Variants in LIPC observed in about 807,000 individuals in gnomAD.
LIPC encodes the protein lipase C, hepatic type.
A neutral mutation model predicts 50.7 loss-of-function variants in LIPC; 44 were observed. The ratio of observed to expected loss-of-function variants is 0.87; its 90% CI spans 0.68 to 1.11. The LOEUF (loss-of-function observed/expected upper bound fraction) is 1.11, where lower values mean the gene tolerates loss of function less well. Ranked by LOEUF, LIPC falls within the 50% of genes most tolerant of loss-of-function variation. LIPC has a pLI of 0.00. For missense variants in LIPC, 697 were observed against 648.2 expected (o/e 1.08, Z -0.82); for synonymous variants, 271 against 256.4 (o/e 1.06, Z -0.54).
intron 1 of LIPC, among the ~76,000 whole-genome samples, chr15:58,523,956 G>T (rs1183243078): frequency 6.6e-6 from 1 of 152,056 alleles, no homozygotes; most frequent in East Asian, 1.9e-4. Flanking sequence ...TAAAAGAAAA[G>T]AAATTCTTTT....
chr15:58,498,392 C>T (rs1244358489), intron 1 of LIPC, among the ~76,000 whole-genome samples: 1 of 152,040 alleles, frequency 6.6e-6, no homozygotes, highest in Admixed American at 6.6e-5. Context: ...ACTTTGAGCC[C>T]CTGCGTTATC....
At chr15:58,565,989 A>G (rs900385367) in intron 8 of LIPC, 1 of 985,100 alleles carries the variant, frequency 1.0e-6, no homozygotes, top group African/African-American at 1.8e-5. Flanking sequence ...AAATAAGATG[A>G]ATTAATTTTA....
intron 1 of LIPC, chr15:58,436,769 T>G (rs1430072583): frequency 2.2e-6 from 1 of 456,156 alleles, no homozygotes; most frequent in Admixed American, 2.4e-5. Context: ...AGAAGGCTTC[T>G]TGGAGGAGGC....
chr15:58,496,556 CCAACA>C (rs1382089372), intron 1 of LIPC, among the ~76,000 whole-genome samples: 72 of 152,128 alleles, frequency 4.7e-4, no homozygotes, highest in Non-Finnish European at 1.9e-4. Context: ...CAAAGAAAGT[CCAACA>C]CTATAAATCA....
intron 1 of LIPC, among the ~76,000 whole-genome samples, chr15:58,496,160 A>G (rs1891756769): frequency 6.6e-6 from 1 of 152,084 alleles, no homozygotes; most frequent in Non-Finnish European, 1.5e-5. Context: ...CCCATGGGAC[A>G]TTTGGCAATA....
chr15:58,528,140 C>CAAAA (rs11443674), intron 1 of LIPC, among the ~76,000 whole-genome samples: 2 of 137,842 alleles, frequency 1.5e-5, no homozygotes, highest in Middle Eastern at 3.8e-3. Context: ...AACTCTGTCT[C>CAAAA]AAAAAAAAAA....
At chr15:58,563,842 G>A in intron 8 of LIPC, 119 bp downstream of exon 8, 1 of 850,698 alleles carries the variant, frequency 1.2e-6, no homozygotes, top group Non-Finnish European at 1.9e-6. Context: ...CCTAGTGATG[G>A]AGTACAGAAG....
At chr15:58,539,470 A>G (rs561952465) in intron 2 of LIPC, among the ~76,000 whole-genome samples, 28 of 152,296 alleles carry the variant, frequency 1.8e-4, no homozygotes, top group Admixed American at 5.9e-4. Context: ...CAATAGATGA[A>G]GTCAAACCAT....
chr15:58,450,306 C>G (rs1226754620), intron 1 of LIPC, among the ~76,000 whole-genome samples: 1 of 152,182 alleles, frequency 6.6e-6, no homozygotes, highest in African/African-American at 2.4e-5. Flanking sequence ...CACTCTAGAG[C>G]TCCTGATTCA....
At chr15:58,509,873 C>T (rs1304255957) in intron 1 of LIPC, among the ~76,000 whole-genome samples, 2 of 151,610 alleles carry the variant, frequency 1.3e-5, no homozygotes, top group Non-Finnish European at 2.9e-5. Context: ...ATTTACCAGT[C>T]AAAATTTTAG....
At position 58,460,958 on chromosome 15, in the gene LIPC, A is replaced by G. The variant is rs867766774; in HGVS notation, c.88+28838A>G. Among the ~76,000 whole-genome samples the G allele has an allele frequency of 2.6e-5, 4 of 152,318 alleles. No individual in the cohort carries two copies. The South Asian group carries it at 8.3e-4, about 32-fold the overall frequency. On this transcript the variant is annotated intron_variant, in intron 1 of 8. Transcript: ENST00000299022. Reference sequence around the variant, plus strand: ...TTTTGACCAAGGGACTGACCCGAACATGGCATGTAAGAGGGGTTTGTTTGG... The same window carrying G: ...TTTTGACCAAGGGACTGACCCGAACGTGGCATGTAAGAGGGGTTTGTTTGG...
chr15:58,463,324 C>T (rs938789216), intron 1 of LIPC, among the ~76,000 whole-genome samples: 4 of 152,212 alleles, frequency 2.6e-5, no homozygotes, highest in Non-Finnish European at 4.4e-5. Flanking sequence ...CTTCAGTGAG[C>T]TCTGGGGCCT....
intron 1 of LIPC, among the ~76,000 whole-genome samples, chr15:58,470,597 CTTTTT>C (rs5812936): frequency 2.2e-5 from 3 of 136,300 alleles, no homozygotes; most frequent in Non-Finnish European, 3.2e-5. Flanking sequence ...CATTTAACTC[CTTTTT>C]TTTTTTTTTT....
intron 1 of LIPC, among the ~76,000 whole-genome samples, chr15:58,457,388 G>T (rs1212774096): frequency 6.6e-6 from 1 of 152,196 alleles, no homozygotes; most frequent in African/African-American, 2.4e-5. Flanking sequence ...GGGATTACAG[G>T]CGTGAGCCAC....
In LIPC at chr15:58,543,296, C is replaced by T. The variant is rs73412750; in HGVS notation, c.574+645C>T. Among the ~76,000 whole-genome samples, 893 of 152,174 alleles carry T rather than the reference C, an allele frequency of 5.9e-3. 7 individuals are homozygous for T. The highest frequency in any genetic ancestry group is 0.014 in the African/African-American group (569 of 41,490). ...GGTGAGATTGTTCCCCAGTCCAAGT[C>T]TGAGGCCCACTGATACCACAGGTAT... On this transcript the variant is annotated intron_variant, in intron 4 of 8. Coordinates refer to ENST00000299022, the MANE Select transcript of LIPC (RefSeq NM_000236.3).
intron 8 of LIPC, 29 bp downstream of exon 8, chr15:58,563,752 G>T (rs776691460): frequency 6.3e-7 from 1 of 1,577,724 alleles, no homozygotes; most frequent in Admixed American, 1.7e-5. Flanking sequence ...TCCTATTAAC[G>T]TCCATTAAGC....
intron 1 of LIPC, among the ~76,000 whole-genome samples, chr15:58,465,807 T>A (rs1269616331): frequency 1.3e-5 from 2 of 152,148 alleles, no homozygotes; most frequent in African/African-American, 4.8e-5. Flanking sequence ...AGCTCTCTAA[T>A]CTTCTGTCTT....
intron 1 of LIPC, among the ~76,000 whole-genome samples, chr15:58,461,226 C>G (rs1894338069): frequency 6.6e-6 from 1 of 152,224 alleles, no homozygotes; most frequent in Non-Finnish European, 1.5e-5. Context: ...GAAGGCTATA[C>G]CAGTTATCCC....
intron 6 of LIPC, among the ~76,000 whole-genome samples, chr15:58,551,132 C>T (rs1328275903): frequency 1.3e-5 from 2 of 152,050 alleles, no homozygotes; most frequent in Non-Finnish European, 2.9e-5. Context: ...CTACTGTGCC[C>T]AGCCCATACC....
Sources: gnomAD v4.1 joint callset for allele counts (sites outside exome capture counted in the v4.1 genomes callset) on GRCh38, gnomAD v4.1.1 for gene constraint, MANE v1.5 for transcripts, NCBI Gene and HGNC (gene_info 2026-07-23, HGNC 2026-07-21) for gene names.